The following TENT5D variants were observed in gnomAD, a reference collection of about 807,000 sequenced individuals.
The protein encoded by TENT5D is terminal nucleotidyltransferase 5D, also known as cancer/testis antigen 112.
For missense variants in TENT5D, 191 were observed against 287.0 expected (o/e 0.67, Z 2.42); for synonymous variants, 103 against 100.6 (o/e 1.02, Z -0.15).
At chrX:80,431,469 G>C (rs1420400337) in intron 1 of TENT5D, among the ~76,000 whole-genome samples, 2 of 111,746 alleles carry the variant, frequency 1.8e-5, no homozygotes, top group African/African-American at 3.2e-5. Flanking sequence ...GGCTTGATAG[G>C]CTGTCTTAAA....
intron 3 of TENT5D, among the ~76,000 whole-genome samples, chrX:80,398,846 AAAATACTAAAATTTCTATGGAACCATG>A (rs1490610968): frequency 9.0e-6 from 1 of 111,144 alleles, no homozygotes; most frequent in Non-Finnish European, 1.9e-5. Context: ...GGTCAGAAAC[AAAATACTAAAATTTCTATGGAACCATG>A]AAAGACCCTG....
At chrX:80,443,652 C>A (rs1355783780) in exon 3 of TENT5D, 1 of 1,204,736 alleles carries the variant, frequency 8.3e-7, no homozygotes, top group East Asian at 3.0e-5. Flanking sequence ...AGCCACCCCC[C>A]GTTAGCTTCC....
chrX:80,438,512 GTA>G (rs200450495), intron 1 of TENT5D, 96 bp from the exon 2 acceptor site: 1 of 106,931 alleles, frequency 9.4e-6, no homozygotes, highest in Admixed American at 1.0e-4. Flanking sequence ...ATGTATGTAT[GTA>G]TATAATTTTC....
At chrX:80,382,601 G>T (rs1930890488) in intron 3 of TENT5D, among the ~76,000 whole-genome samples, 1 of 111,583 alleles carries the variant, frequency 9.0e-6, no homozygotes, top group South Asian at 3.8e-4. Context: ...TGCAGAGGAG[G>T]GGTCTGCAGA....
chrX:80,409,432 A>G (rs1931586205), intron 3 of TENT5D, among the ~76,000 whole-genome samples: 1 of 111,388 alleles, frequency 9.0e-6, no homozygotes, highest in African/African-American at 3.3e-5. Flanking sequence ...TACAAAAATC[A>G]CAAGCATTCT....
At chrX:80,351,159 C>G (rs1037752032) in intron 3 of TENT5D, among the ~76,000 whole-genome samples, 7 of 110,455 alleles carry the variant, frequency 6.3e-5, no homozygotes, top group African/African-American at 2.3e-4. Flanking sequence ...TAGTGGTGTT[C>G]TCTATATTTC....
chrX:80,382,842 C>T (rs1930901778), intron 3 of TENT5D, among the ~76,000 whole-genome samples: 1 of 112,318 alleles, frequency 8.9e-6, no homozygotes, highest in African/African-American at 3.2e-5. Flanking sequence ...TTGCTAAGAC[C>T]ATTAGAAAAG....
rs2147535334 is a variant in TENT5D at position 80,386,579 on chromosome X, TAAAA to T, written c.-142+44019_-142+44022del. Among the ~76,000 whole-genome samples, 2 of 111,354 alleles carry T rather than the reference TAAAA, an allele frequency of 1.8e-5. 1 individual carries two copies. The highest frequency in any genetic ancestry group is 5.6e-4 in the East Asian group (2 of 3,578). ...ATAAAAAAAATAAAAATAAAAAATC[TAAAA>T]AAATAAAATAGCAAAACTTGGTAAA... On this transcript the variant is annotated intron_variant, in intron 3 of 4. Transcript: ENST00000538312.
intron 3 of TENT5D, among the ~76,000 whole-genome samples, chrX:80,400,457 G>C (rs1266387967): frequency 9.0e-6 from 1 of 111,409 alleles, no homozygotes; most frequent in Non-Finnish European, 1.9e-5. Flanking sequence ...AATGAAGCCC[G>C]CAAATTCATC....
chrX:80,364,879 T>G (rs1412908756), intron 3 of TENT5D, among the ~76,000 whole-genome samples: 1 of 93,099 alleles, frequency 1.1e-5, no homozygotes, highest in African/African-American at 3.9e-5. Flanking sequence ...TATAGTGATA[T>G]TTTATCTCCA....
intron 3 of TENT5D, among the ~76,000 whole-genome samples, chrX:80,413,442 T>C (rs1273211820): frequency 5.4e-5 from 6 of 111,576 alleles, no homozygotes; most frequent in Admixed American, 9.5e-5. Flanking sequence ...CAAAATGATA[T>C]GGTTTGGCTT....
intron 3 of TENT5D, among the ~76,000 whole-genome samples, chrX:80,350,287 T>C (rs2147515981): frequency 9.0e-6 from 1 of 111,574 alleles, no homozygotes; most frequent in African/African-American, 3.3e-5. Flanking sequence ...AGTCTAAGTC[T>C]CTTTGTAGTT....
intron 3 of TENT5D, among the ~76,000 whole-genome samples, chrX:80,375,619 T>C (rs984656539): frequency 1.8e-5 from 2 of 111,818 alleles, no homozygotes; most frequent in African/African-American, 3.2e-5. Context: ...TTTTTCTCTT[T>C]ATTTTCTACC....
chrX:80,398,350 T>G (rs943195358), intron 3 of TENT5D, among the ~76,000 whole-genome samples: 24 of 112,087 alleles, frequency 2.1e-4, no homozygotes, highest in African/African-American at 7.8e-4. Flanking sequence ...ATTCTGTACA[T>G]TGTGTTTCTA....
At chrX:80,350,523 A>C (rs1461187285) in intron 3 of TENT5D, among the ~76,000 whole-genome samples, 1 of 109,752 alleles carries the variant, frequency 9.1e-6, no homozygotes, top group East Asian at 2.9e-4. Flanking sequence ...CCATCCCCTT[A>C]TTTTGAGCCT....
At chrX:80,439,856 A>C in intron 2 of TENT5D, among the ~76,000 whole-genome samples, 1 of 111,002 alleles carries the variant, frequency 9.0e-6, no homozygotes, top group Non-Finnish European at 1.9e-5. Flanking sequence ...GCTAATTTTA[A>C]AAATTTGTAA....
intron 3 of TENT5D, among the ~76,000 whole-genome samples, chrX:80,354,288 C>T (rs940486264): frequency 5.4e-5 from 6 of 111,589 alleles, no homozygotes; most frequent in African/African-American, 2.0e-4. Context: ...TCCTCAGATA[C>T]GTTTTCCAAG....
At chrX:80,409,122 A>T (rs1931574330) in intron 3 of TENT5D, among the ~76,000 whole-genome samples, 1 of 109,375 alleles carries the variant, frequency 9.1e-6, no homozygotes, top group Admixed American at 9.8e-5. Flanking sequence ...GCTATCTATG[A>T]CAAACCCACA....
intron 3 of TENT5D, among the ~76,000 whole-genome samples, chrX:80,381,189 G>A (rs951232051): frequency 9.0e-6 from 1 of 111,243 alleles, no homozygotes; most frequent in African/African-American, 3.3e-5. Flanking sequence ...GCTTGTCTGT[G>A]AAGGATTTTA....
Sources: gnomAD v4.1 joint callset for allele counts (sites outside exome capture counted in the v4.1 genomes callset) on GRCh38, gnomAD v4.1.1 for gene constraint, MANE v1.5 for transcripts, NCBI Gene and HGNC (gene_info 2026-07-23, HGNC 2026-07-21) for gene names.